The following ZPBP variants were observed in gnomAD, a reference collection of about 807,000 sequenced individuals.
The protein encoded by ZPBP is zona pellucida-binding protein 1.
Under a neutral mutation model 44.8 loss-of-function variants are expected in ZPBP, and 26 were observed. The ratio of observed to expected loss-of-function variants is 0.58; its 90% CI spans 0.43 to 0.81. The LOEUF (loss-of-function observed/expected upper bound fraction) is 0.81. Among genes scored for constraint, ZPBP ranks in the 30% least tolerant of loss-of-function variants. The pLI, the probability that ZPBP is intolerant of heterozygous loss-of-function variation, is 0.00. For synonymous variants in ZPBP, 174 were observed against 153.2 expected (o/e 1.14, Z -1.00); for missense variants, 409 against 434.0 (o/e 0.94, Z 0.51).
intron 7 of ZPBP, among the ~76,000 whole-genome samples, chr7:49,978,126 T>C (rs944246481): frequency 1.3e-5 from 2 of 151,004 alleles, no homozygotes; most frequent in Non-Finnish European, 3.0e-5. Flanking sequence ...TGGGAGAAAG[T>C]TGAATATATA....
At chr7:49,946,149 A>G (rs1232077998) in intron 7 of ZPBP, among the ~76,000 whole-genome samples, 1 of 152,024 alleles carries the variant, frequency 6.6e-6, no homozygotes, top group African/African-American at 2.4e-5. Flanking sequence ...TGTTGTTTCT[A>G]TTTATATCTT....
At chr7:49,981,622 T>TAG (rs1562820285) in intron 7 of ZPBP, among the ~76,000 whole-genome samples, 1 of 9,530 alleles carries the variant, frequency 1.0e-4, no homozygotes, top group African/African-American at 5.0e-4. Context: ...TTATATTATA[T>TAG]TATATTATAT....
At chr7:49,977,493 A>C (rs1257058415) in intron 7 of ZPBP, among the ~76,000 whole-genome samples, 1 of 152,192 alleles carries the variant, frequency 6.6e-6, no homozygotes, top group Non-Finnish European at 1.5e-5. Flanking sequence ...TTCCTGCATA[A>C]AGTACAAATG....
intron 1 of ZPBP, among the ~76,000 whole-genome samples, chr7:49,909,947 T>G (rs944131508): frequency 3.3e-5 from 5 of 149,608 alleles, no homozygotes; most frequent in Non-Finnish European, 7.4e-5. Flanking sequence ...CTCCAAAGAT[T>G]TTTTTTTTTA....
At chr7:49,955,228 A>G (rs1436098577) in intron 7 of ZPBP, among the ~76,000 whole-genome samples, 2 of 152,162 alleles carry the variant, frequency 1.3e-5, no homozygotes, top group Non-Finnish European at 2.9e-5. Context: ...AAAAAGAGAA[A>G]GTTATGAAAT....
intron 2 of ZPBP, among the ~76,000 whole-genome samples, chr7:49,870,383 C>T (rs560008197): frequency 7.5e-4 from 114 of 152,210 alleles, no homozygotes; most frequent in African/African-American, 2.6e-3. Flanking sequence ...CTGGGTGACG[C>T]AGTGAGACTC....
intron 7 of ZPBP, among the ~76,000 whole-genome samples, chr7:49,965,939 T>C (rs1169242411): frequency 6.6e-6 from 1 of 151,922 alleles, no homozygotes; most frequent in African/African-American, 2.4e-5. Context: ...AGACATACCA[T>C]GATAACAATA....
chr7:50,044,188 A>C (rs1800228758), intron 4 of ZPBP, among the ~76,000 whole-genome samples: 1 of 152,240 alleles, frequency 6.6e-6, no homozygotes, highest in South Asian at 2.1e-4. Context: ...AATTTATAGC[A>C]CTAAATGTCC....
At chr7:50,031,639 G>A (rs1799613587) in intron 4 of ZPBP, among the ~76,000 whole-genome samples, 2 of 152,014 alleles carry the variant, frequency 1.3e-5, no homozygotes, top group African/African-American at 2.4e-5. Flanking sequence ...TACCGAGCCT[G>A]GTCCCAGAGC....
intron 4 of ZPBP, among the ~76,000 whole-genome samples, chr7:50,033,724 G>C (rs1338386473): frequency 4.7e-5 from 6 of 126,558 alleles, no homozygotes; most frequent in African/African-American, 1.8e-4. Flanking sequence ...ATGGAGTTTA[G>C]CTCTGTTGCC....
intron 7 of ZPBP, among the ~76,000 whole-genome samples, chr7:49,939,482 A>G (rs1794770318): frequency 6.6e-6 from 1 of 152,180 alleles, no homozygotes; most frequent in Non-Finnish European, 1.5e-5. Flanking sequence ...AAAAATGTTA[A>G]AATGTTATTT....
At chr7:50,014,763 C>T (rs998483303) in intron 6 of ZPBP, among the ~76,000 whole-genome samples, 2 of 152,016 alleles carry the variant, frequency 1.3e-5, no homozygotes, top group African/African-American at 4.8e-5. Context: ...CCACTCCCAG[C>T]CTAATACAAC....
At chr7:50,087,749 A>G (rs934523383) in intron 2 of ZPBP, among the ~76,000 whole-genome samples, 5 of 151,976 alleles carry the variant, frequency 3.3e-5, no homozygotes, top group Non-Finnish European at 5.9e-5. Flanking sequence ...ACTGAAAACT[A>G]TAAAATATAA....
intron 7 of ZPBP, chr7:49,942,588 C>T (rs1363426379): frequency 1.3e-5 from 2 of 152,408 alleles, no homozygotes; most frequent in Non-Finnish European, 1.5e-5. Flanking sequence ...AACTTTTTAG[C>T]TTTAGCTTTG....
chr7:50,001,714 T>C (rs1457299393), intron 6 of ZPBP, among the ~76,000 whole-genome samples: 1 of 152,158 alleles, frequency 6.6e-6, no homozygotes, highest in African/African-American at 2.4e-5. Flanking sequence ...TTTACCTTAC[T>C]ACCTTGAAAA....
At chr7:49,947,006 A>G (rs1380759283) in intron 7 of ZPBP, among the ~76,000 whole-genome samples, 3 of 152,052 alleles carry the variant, frequency 2.0e-5, no homozygotes, top group African/African-American at 7.2e-5. Flanking sequence ...CAATATATCA[A>G]TTGCATTTTT....
chr7:49,933,590 G>GAC (rs1794522569), downstream of ZPBP, among the ~76,000 whole-genome samples: 1 of 152,110 alleles, frequency 6.6e-6, no homozygotes, highest in Non-Finnish European at 1.5e-5. Context: ...CTGCTATAAA[G>GAC]ACACATGCAA....
intron 7 of ZPBP, among the ~76,000 whole-genome samples, chr7:49,970,774 G>A (rs896867939): frequency 6.6e-6 from 1 of 151,474 alleles, no homozygotes; most frequent in South Asian, 2.1e-4. Flanking sequence ...CAGCATTTTG[G>A]GAAGCCTAGG....
Position 50,093,060 on chromosome 7 carries a change from A to T in ZPBP, c.127+8T>A. 1.9e-6 allele frequency: 3 copies of T among 1,598,314 alleles called. No homozygotes were observed. The highest frequency in any genetic ancestry group is 2.6e-6 in the Non-Finnish European group (3 of 1,173,198). On this transcript the variant is annotated splice_region_variant and intron_variant, in intron 1 of 7. Coordinates refer to ENST00000046087, the MANE Select transcript of ZPBP (RefSeq NM_007009.3). ...CTGCGGAGCCGGCAGGGCGGCGCGGACCCTCACCTGATGAGGGCACCCGCA... is the reference window on the plus strand; with the variant it reads ...CTGCGGAGCCGGCAGGGCGGCGCGGTCCCTCACCTGATGAGGGCACCCGCA...
Sources: gnomAD v4.1 joint callset for allele counts (sites outside exome capture counted in the v4.1 genomes callset) on GRCh38, gnomAD v4.1.1 for gene constraint, MANE v1.5 for transcripts, NCBI Gene and HGNC (gene_info 2026-07-23, HGNC 2026-07-21) for gene names.